UGT2A2: variants seen among roughly 807,000 people sequenced by gnomAD.
UGT2A2 encodes the protein UDP glucuronosyltransferase family 2 member A2.
In UGT2A2, 60 loss-of-function variants were observed where a neutral mutation model predicts 50.7. That is an observed-to-expected ratio of 1.18 (90% CI 0.96 to 1.47). The LOEUF (loss-of-function observed/expected upper bound fraction) is 1.47, where lower values mean the gene tolerates loss of function less well. Ranked by LOEUF, UGT2A2 falls within the 40% of genes most tolerant of loss-of-function variation. The pLI, the probability that UGT2A2 is intolerant of heterozygous loss-of-function variation, is 0.00. For missense variants in UGT2A2, 762 were observed against 634.0 expected (o/e 1.20, Z -2.17); for synonymous variants, 242 against 214.6 (o/e 1.13, Z -1.11).
chr4:69,619,545 A>C (rs187183893), intron 1 of UGT2A2, among the ~76,000 whole-genome samples: 8 of 152,144 alleles, frequency 5.3e-5, no homozygotes, highest in African/African-American at 1.7e-4. Flanking sequence ...AAATAATGAT[A>C]TACCCAGAAA....
chr4:69,611,527 C>T (rs1199819031), intron 1 of UGT2A2, among the ~76,000 whole-genome samples: 2 of 151,906 alleles, frequency 1.3e-5, no homozygotes, highest in East Asian at 1.9e-4. Flanking sequence ...AAGAGTAATG[C>T]TACATGATAT....
At chr4:69,619,949 A>G (rs1036427840) in intron 1 of UGT2A2, among the ~76,000 whole-genome samples, 1 of 151,934 alleles carries the variant, frequency 6.6e-6, no homozygotes, top group Non-Finnish European at 1.5e-5. Context: ...CCTTTATGCA[A>G]AAACTCAATA....
intron 3 of UGT2A2, 28 bp from the exon 4 acceptor site, chr4:69,595,277 A>G (rs1383178919): frequency 1.2e-6 from 2 of 1,610,956 alleles, no homozygotes; most frequent in East Asian, 4.5e-5. Flanking sequence ...TTAATTTTGC[A>G]AGGAAAAACA....
At chr4:69,615,927 A>G (rs910817211) in intron 1 of UGT2A2, among the ~76,000 whole-genome samples, 4 of 152,052 alleles carry the variant, frequency 2.6e-5, no homozygotes, top group Admixed American at 1.3e-4. Context: ...CAAATAAAGG[A>G]ATCAGTATAT....
chr4:69,624,989 G>T (rs905107929), intron 1 of UGT2A2, among the ~76,000 whole-genome samples: 6 of 143,810 alleles, frequency 4.2e-5, no homozygotes, highest in African/African-American at 1.6e-4. Context: ...TAATTTTCTT[G>T]GTTCTTGTAG....
intron 5 of UGT2A2, among the ~76,000 whole-genome samples, chr4:69,590,374 T>A (rs955041217): frequency 6.6e-6 from 1 of 152,184 alleles, no homozygotes; most frequent in African/African-American, 2.4e-5. Flanking sequence ...TGGGTGGATA[T>A]CTACATATTT....
In UGT2A2 at chr4:69,627,535, A is replaced by G. The variant is rs967619245; in HGVS notation, c.742+11364T>C. On this transcript the variant is annotated intron_variant, in intron 1 of 5. Transcript: ENST00000604629. Reference sequence around the variant, plus strand: ...AAAGAAAGAAAGAAGAAAGAAAGAAAGAGAGAGAGAGAAAGAGAGAGAGAG... The same window carrying G: ...AAAGAAAGAAAGAAGAAAGAAAGAAGGAGAGAGAGAGAAAGAGAGAGAGAG... 8.6e-4 allele frequency among the ~76,000 whole-genome samples: 55 copies of G among 64,208 alleles called. 1 individual carries two copies. The highest frequency in any genetic ancestry group is 1.7e-3 in the Non-Finnish European group (48 of 28,576). The allele number at this position is 64,208 out of a possible 152,430, so 42.1% of individuals were successfully genotyped here.
intron 1 of UGT2A2, among the ~76,000 whole-genome samples, chr4:69,613,269 A>C (rs1560478852): frequency 6.6e-6 from 1 of 151,990 alleles, no homozygotes; most frequent in Admixed American, 6.6e-5. Context: ...TATATAGCCC[A>C]TAAGACTGAA....
intron 1 of UGT2A2, among the ~76,000 whole-genome samples, chr4:69,617,345 T>A (rs1208148110): frequency 6.6e-6 from 1 of 151,790 alleles, no homozygotes; most frequent in East Asian, 1.9e-4. Flanking sequence ...TTATTAGGAG[T>A]TTAATAATTT....
chr4:69,613,434 C>T (rs1720185450), intron 1 of UGT2A2, among the ~76,000 whole-genome samples: 1 of 151,922 alleles, frequency 6.6e-6, no homozygotes, highest in Non-Finnish European at 1.5e-5. Flanking sequence ...TCTACTGAAA[C>T]TATTCAAAAC....
intron 1 of UGT2A2, among the ~76,000 whole-genome samples, chr4:69,602,903 T>C (rs1412233122): frequency 7.5e-6 from 1 of 134,062 alleles, no homozygotes; most frequent in East Asian, 2.1e-4. Flanking sequence ...CCGTCTCTAC[T>C]AAAAATACAA....
chr4:69,631,722 AC>A (rs1167185608), intron 1 of UGT2A2, among the ~76,000 whole-genome samples: 2 of 152,150 alleles, frequency 1.3e-5, no homozygotes, highest in Non-Finnish European at 2.9e-5. Context: ...AAAGAGAACA[AC>A]TGTAGCCACT....
Position 69,589,149 on chromosome 4 carries a change from G to A in UGT2A2, c.*223C>T. On this transcript the variant is annotated 3_prime_UTR_variant, in exon 6 of 6. Coordinates refer to ENST00000604629, the MANE Select transcript of UGT2A2 (RefSeq NM_001105677.2). ...ACAGGAAGAGGGTATAGTCAGCAGG[G>A]AGAGACAAAGGAAAAATAGAAGACT... 1 of 451,838 alleles carries A rather than the reference G, an allele frequency of 2.2e-6. No individual in the cohort carries two copies. The highest frequency in any genetic ancestry group is 3.6e-6 in the Non-Finnish European group (1 of 279,452). The allele number at this position is 451,838 out of a possible 1,614,324, so 28.0% of individuals were successfully genotyped here.
At chr4:69,611,866 C>T (rs1212782830) in intron 1 of UGT2A2, among the ~76,000 whole-genome samples, 1 of 152,032 alleles carries the variant, frequency 6.6e-6, no homozygotes, top group Non-Finnish European at 1.5e-5. Flanking sequence ...CCTAGTTTCC[C>T]TCATTACACA....
In UGT2A2 at chr4:69,638,976, G is replaced by A; in HGVS notation, c.665C>T (p.Thr222Ile). Residue 222 changes from threonine to isoleucine, a missense_variant, in exon 1 of 6, where the codon ACC (threonine) becomes ATC (isoleucine). Physicochemically the swap from Thr to Ile is moderately conservative, Grantham distance 89. Coordinates refer to ENST00000604629, the MANE Select transcript of UGT2A2 (RefSeq NM_001105677.2). Reference sequence around the variant, plus strand: ...ATAGTCTTGCAGAGAATAAGATATGGTATTTTTAATCCTTTCACCAAAGGT... The same window carrying A: ...ATAGTCTTGCAGAGAATAAGATATGATATTTTTAATCCTTTCACCAAAGGT... ...QMTFGERIKN[T>I]ISYSLQDYIF... The A allele has an allele frequency of 6.2e-7, 1 of 1,613,044 alleles. No homozygotes were observed. The highest frequency in any genetic ancestry group is 8.5e-7 in the Non-Finnish European group (1 of 1,179,452).
intron 5 of UGT2A2, among the ~76,000 whole-genome samples, chr4:69,590,870 A>G (rs1718559155): frequency 6.6e-6 from 1 of 152,162 alleles, no homozygotes; most frequent in Admixed American, 6.5e-5. Flanking sequence ...TTTATGACTG[A>G]TATGTTAAAA....
intron 1 of UGT2A2, among the ~76,000 whole-genome samples, chr4:69,619,609 G>T (rs1015876045): frequency 6.6e-6 from 1 of 151,948 alleles, no homozygotes; most frequent in East Asian, 1.9e-4. Context: ...TTCCATTTGT[G>T]TGAAACTTAA....
At chr4:69,592,868 T>C (rs1192650674) in intron 5 of UGT2A2, among the ~76,000 whole-genome samples, 4 of 152,100 alleles carry the variant, frequency 2.6e-5, no homozygotes, top group Non-Finnish European at 4.4e-5. Context: ...ATTAACATTG[T>C]TGTAAAGACA....
At position 69,598,729 on chromosome 4, in the gene UGT2A2, G is replaced by T. The variant is rs369966799; in HGVS notation, c.891+517C>A. On this transcript the variant is annotated intron_variant, in intron 2 of 5. Transcript: ENST00000604629. ...AAAAGAGTTTTTTTTTTAACCAATT[G>T]TTTCCTAACAGTAGATGGCACAACT... Among the ~76,000 whole-genome samples the T allele has an allele frequency of 5.9e-5, 9 of 151,870 alleles. No individual in the cohort carries two copies. The East Asian group carries it at 9.7e-4, about 16-fold the overall frequency.
Sources: gnomAD v4.1 joint callset for allele counts (sites outside exome capture counted in the v4.1 genomes callset) on GRCh38, gnomAD v4.1.1 for gene constraint, MANE v1.5 for transcripts, NCBI Gene and HGNC (gene_info 2026-07-23, HGNC 2026-07-21) for gene names.